PRKAG2: variants seen among roughly 807,000 people sequenced by gnomAD.
The protein encoded by PRKAG2 is protein kinase AMP-activated non-catalytic subunit gamma 2, also known as 5'-AMP-activated protein kinase subunit gamma-2.
Under a neutral mutation model 69.6 loss-of-function variants are expected in PRKAG2, and 26 were observed. That is an observed-to-expected ratio of 0.37 (90% CI 0.27 to 0.52). The LOEUF (loss-of-function observed/expected upper bound fraction) is 0.52, where lower values mean the gene tolerates loss of function less well. PRKAG2 is among the 20% of genes least tolerant of loss of function. The probability of loss-of-function intolerance (pLI) is 0.90; values close to 1 mark genes in which losing one functional copy is unlikely to be tolerated. For synonymous variants in PRKAG2, 293 were observed against 285.0 expected, an observed-to-expected ratio of 1.03 and a Z score of -0.28; for missense variants, 557 against 740.0, an observed-to-expected ratio of 0.75 and a Z score of 2.87.
At chr7:151,602,110 G>C (rs1313451926) in intron 5 of PRKAG2, among the ~76,000 whole-genome samples, 1 of 152,252 alleles carries the variant, frequency 6.6e-6, no homozygotes, top group Non-Finnish European at 1.5e-5. Context: ...TAAGGATGAC[G>C]CTCCTCGCGC....
intron 1 of PRKAG2, among the ~76,000 whole-genome samples, chr7:151,827,774 A>AAAAAAC (rs1563733994): frequency 6.8e-5 from 10 of 147,520 alleles, no homozygotes; most frequent in South Asian, 2.2e-4. Context: ...AAAAAAAAAA[A>AAAAAAC]CTGCCTTGCT....
At chr7:151,608,229 C>T (rs768705273) in intron 5 of PRKAG2, among the ~76,000 whole-genome samples, 1 of 152,194 alleles carries the variant, frequency 6.6e-6, no homozygotes, top group South Asian at 2.1e-4. Flanking sequence ...TGATGACTTA[C>T]TCCAGACTTC....
At chr7:151,800,395 G>A (rs2077778614) in intron 1 of PRKAG2, among the ~76,000 whole-genome samples, 1 of 149,886 alleles carries the variant, frequency 6.7e-6, no homozygotes, top group African/African-American at 2.4e-5. Flanking sequence ...TCCCATCTCT[G>A]GTCGTCAGTT....
chr7:151,820,833 C>T (rs1326572355), intron 1 of PRKAG2, among the ~76,000 whole-genome samples: 1 of 152,198 alleles, frequency 6.6e-6, no homozygotes, highest in African/African-American at 2.4e-5. Flanking sequence ...CAACAATAAG[C>T]CGGGCTTCTC....
chr7:151,807,026 G>A lies in PRKAG2; in HGVS notation c.115-20485C>T, dbSNP rs1363494676. ...GGGTTCAGAATTGCGCTGGACATGG[G>A]ATACACAAAGGTAAGACATGGACCC... On this transcript the variant is annotated intron_variant, in intron 1 of 15. Transcript: ENST00000287878. This position sits in a 1 kb window ranked among gnomAD's most constrained non-coding sequence, Gnocchi z 4.4. The A allele has an allele frequency of 2.2e-6, 1 of 454,676 alleles. No individual in the cohort carries two copies. Among genetic ancestry groups the A allele is most frequent in the East Asian group, 7.0e-5 (1 of 14,388 alleles). 28.2% of individuals were successfully genotyped at this position (454,676 alleles called of 1,614,324 possible). A position where few individuals can be genotyped will look rare whatever the true frequency, so the allele number is the denominator to read the frequency against.
chr7:151,558,985 G>A (rs1275612454), intron 15 of PRKAG2: 12 of 985,296 alleles, frequency 1.2e-5, no homozygotes, highest in Admixed American at 1.2e-4. Flanking sequence ...AGCCTGACCC[G>A]CTGGGCAGAC....
intron 5 of PRKAG2, among the ~76,000 whole-genome samples, chr7:151,619,618 CTA>C (rs1181409862): frequency 1.3e-5 from 2 of 152,154 alleles, no homozygotes; most frequent in African/African-American, 4.8e-5. Flanking sequence ...TAACTTCAGA[CTA>C]TGTATATAAG....
chr7:151,708,033 G>A (rs1469462351), intron 3 of PRKAG2, among the ~76,000 whole-genome samples: 1 of 152,224 alleles, frequency 6.6e-6, no homozygotes, highest in Non-Finnish European at 1.5e-5. Context: ...ACCACTGGGT[G>A]TGAACTGGCC....
chr7:151,824,721 CCCCA>C (rs2078867921), intron 1 of PRKAG2, among the ~76,000 whole-genome samples: 1 of 152,168 alleles, frequency 6.6e-6, no homozygotes, highest in Non-Finnish European at 1.5e-5. Flanking sequence ...CAAAGCAGAG[CCCCA>C]GCTGTCGGTG....
intron 1 of PRKAG2, among the ~76,000 whole-genome samples, chr7:151,822,878 G>A (rs1411919624): frequency 2.6e-5 from 4 of 152,150 alleles, no homozygotes; most frequent in Admixed American, 1.3e-4. Context: ...AACACAGAAT[G>A]TTCAGCCCTG....
chr7:151,793,733 T>C (rs2077368463), intron 1 of PRKAG2, among the ~76,000 whole-genome samples: 1 of 152,212 alleles, frequency 6.6e-6, no homozygotes, highest in Non-Finnish European at 1.5e-5. Context: ...CAGGCCGGCC[T>C]TGCGCAATCC....
At chr7:151,853,380 G>A (rs949914431) in intron 1 of PRKAG2, among the ~76,000 whole-genome samples, 20 of 152,148 alleles carry the variant, frequency 1.3e-4, no homozygotes, top group Non-Finnish European at 2.4e-4. Flanking sequence ...AATAATTTAC[G>A]TATATGTTTT....
chr7:151,729,413 G>T (rs543978648), intron 3 of PRKAG2, among the ~76,000 whole-genome samples: 1 of 151,932 alleles, frequency 6.6e-6, no homozygotes, highest in South Asian at 2.1e-4. Context: ...GGAGAGGTGG[G>T]TGGGGGCCGG....
chr7:151,735,776 T>G, intron 3 of PRKAG2: 1 of 1,301,482 alleles, frequency 7.7e-7, no homozygotes, highest in Non-Finnish European at 1.0e-6. Flanking sequence ...CACCGCCTGA[T>G]GTTATATCCC....
At chr7:151,868,602 C>T (rs539583445) in intron 1 of PRKAG2, among the ~76,000 whole-genome samples, 2 of 152,354 alleles carry the variant, frequency 1.3e-5, no homozygotes, top group East Asian at 1.9e-4. Flanking sequence ...GCTGGTTCAC[C>T]GTCCTGAAAG....
intron 6 of PRKAG2, among the ~76,000 whole-genome samples, chr7:151,587,733 TG>T (rs1363414905): frequency 6.6e-6 from 1 of 152,188 alleles, no homozygotes; most frequent in Non-Finnish European, 1.5e-5. Context: ...AGGGAGTACC[TG>T]TCTGAGAAGC....
At chr7:151,561,522 C>T (rs1274769195) in intron 14 of PRKAG2, among the ~76,000 whole-genome samples, 2 of 152,224 alleles carry the variant, frequency 1.3e-5, no homozygotes, top group South Asian at 2.1e-4. Context: ...GGATAGACTA[C>T]GTCCATCTCT....
intron 5 of PRKAG2, among the ~76,000 whole-genome samples, chr7:151,625,669 C>A (rs1039367396): frequency 6.6e-6 from 1 of 152,148 alleles, no homozygotes; most frequent in Non-Finnish European, 1.5e-5. Context: ...CAGCAAGGAG[C>A]TGTTCTCTTG....
intron 3 of PRKAG2, among the ~76,000 whole-genome samples, chr7:151,717,814 T>C (rs1231676837): frequency 6.6e-6 from 1 of 152,250 alleles, no homozygotes. Flanking sequence ...ATAAAGTTGA[T>C]GAGCCACCCT....
Sources: gnomAD v4.1 joint callset for allele counts (sites outside exome capture counted in the v4.1 genomes callset) on GRCh38, gnomAD v4.1.1 for gene constraint, Gnocchi (gnomAD v3.1) non-coding constraint, MANE v1.5 for transcripts, NCBI Gene and HGNC (gene_info 2026-07-23, HGNC 2026-07-21) for gene names.